TMEM63B: variants seen among roughly 807,000 people sequenced by gnomAD.
TMEM63B encodes the protein mechanosensitive cation channel TMEM63B.
TMEM63B carries 23 observed loss-of-function variants against 102.6 expected under a neutral mutation model. The ratio of observed to expected loss-of-function variants is 0.22; its 90% confidence interval spans 0.16 to 0.32. TMEM63B has a LOEUF of 0.32. Ranked by LOEUF, TMEM63B falls within the 10% of genes least tolerant of loss-of-function variation. The probability of loss-of-function intolerance (pLI) is 1.00; values close to 1 mark genes in which losing one functional copy is unlikely to be tolerated. For synonymous variants in TMEM63B, 444 were observed against 437.0 expected (o/e 1.02, Z -0.20); for missense variants, 628 against 1,095.9 (o/e 0.57, Z 6.03).
intron 5 of TMEM63B, among the ~76,000 whole-genome samples, chr6:44,136,906 G>A (rs932658033): frequency 6.6e-6 from 1 of 152,220 alleles, no homozygotes; most frequent in Admixed American, 6.5e-5. Context: ...TTAGCCAGGC[G>A]TGGTGGTGGG....
intron 15 of TMEM63B, 107 bp downstream of exon 15, chr6:44,149,052 A>G: frequency 1.3e-6 from 2 of 1,545,606 alleles, no homozygotes; most frequent in Non-Finnish European, 1.8e-6. Context: ...GCTTGTTCCA[A>G]CCCCGTGCCA....
rs1554194737 is a variant in TMEM63B at position 44,131,741 on chromosome 6, C to CA, written c.-24-2812dup. On this transcript the variant is annotated intron_variant, in intron 1 of 23. Coordinates refer to ENST00000323267, the MANE Select transcript of TMEM63B (RefSeq NM_018426.3). ...TCAAAAAAATACACAACAACCCCCC[C>CA]AAAAAAAAGCTTATAAGTTATAGCT... 2.0e-5 allele frequency among the ~76,000 whole-genome samples: 3 copies of CA among 150,680 alleles called. No individual in the cohort carries two copies. In the East Asian group the frequency reaches 5.9e-4, roughly 30 times the overall value.
rs1427242330 is a variant in TMEM63B at position 44,146,872 on chromosome 6, C to G, written c.808C>G (p.Leu270Val). The stretch of plus-strand genomic sequence containing the variant: ...GGAAGCCTACCCCAACTGCACAGTT[C>G]TCGAAGCCCGCCCGTGTTACAACGT... ...FEEAYPNCTV[L>V]EARPCYNVAR... Residue 270 changes from leucine (L) to valine (V), a missense_variant, in exon 11 of 24, where the codon CTC (leucine) becomes GTC (valine). By Grantham distance (32) the Leu-to-Val change is conservative. Around this residue, in one of 6 missense-constraint regions of TMEM63B, gnomAD observed 336 missense variants for 580.3 expected, o/e 0.58. Transcript: ENST00000323267. 6.2e-7 allele frequency: 1 copy of G among 1,614,090 alleles called. No homozygotes were observed. The highest frequency in any genetic ancestry group is 2.2e-5 in the East Asian group (1 of 44,870).
chr6:44,150,444 C>T lies in TMEM63B; in HGVS notation c.1608-120C>T. ...GGAAGCCTGGCCACCCCCAGGCCTC[C>T]TGAGCTACCCACCCCATGTCTGGGA... is the stretch of plus-strand genomic sequence containing the variant. On this transcript the variant is annotated intron_variant, in intron 17 of 23. Transcript: ENST00000323267. This position sits in a 1 kb window ranked among gnomAD's most constrained non-coding sequence, Gnocchi z 4.7. 6.8e-7 allele frequency: 1 copy of T among 1,464,680 alleles called. No homozygotes were observed. Among genetic ancestry groups the T allele is most frequent in the Non-Finnish European group, 9.5e-7 (1 of 1,049,808 alleles). 90.7% of individuals were successfully genotyped at this position (1,464,680 alleles called of 1,614,324 possible).
intron 10 of TMEM63B, among the ~76,000 whole-genome samples, chr6:44,142,557 CAGG>C (rs1432803622): frequency 6.6e-6 from 1 of 152,034 alleles, no homozygotes; most frequent in Non-Finnish European, 1.5e-5. Flanking sequence ...ATTGAGTTCT[CAGG>C]GGGTTCATAG....
At position 44,148,698 on chromosome 6, in the gene TMEM63B, T is replaced by G; in HGVS notation, c.1259+48T>G. On this transcript the variant is annotated intron_variant, in intron 14 of 23. Transcript: ENST00000323267. The surrounding 1 kb of genome is among the most constrained non-coding windows in gnomAD (Gnocchi z 5.1). ...AGGCTTTCCAGGGCCTGGGATGGGC[T>G]CAGTAGGTAGGCGGAGGAGAGGGAG... The G allele has an allele frequency of 6.2e-7, 1 of 1,611,276 alleles. No individual in the cohort carries two copies. The highest frequency in any genetic ancestry group is 8.5e-7 in the Non-Finnish European group (1 of 1,177,888).
rs1383739384 is a variant in TMEM63B at position 44,136,409 on chromosome 6, C to T, written c.339C>T (p.Ser113=). The change falls in exon 5 of 24, where the codon TCC becomes TCT. Residue 113 remains serine, a synonymous_variant. Coordinates refer to ENST00000323267, the MANE Select transcript of TMEM63B (RefSeq NM_018426.3). ...GGTATGAGCGTCTCACCTCTGTCTC[C>T]AGCTCCGTTGACTTTGACCAAAGGG... The part of the protein sequence containing the change: ...HDRYERLTSV[S]SSVDFDQRDN... The T allele has an allele frequency of 6.2e-7, 1 of 1,614,048 alleles. No homozygotes were observed. The highest frequency in any genetic ancestry group is 1.3e-5 in the African/African-American group (1 of 75,040).
At position 44,139,545 on chromosome 6, in the gene TMEM63B, G is replaced by A. The variant is rs774083434; in HGVS notation, c.486G>A (p.Leu162=). 5 of 1,614,118 alleles carry A rather than the reference G, an allele frequency of 3.1e-6. No individual in the cohort carries two copies. The highest frequency in any genetic ancestry group is 3.3e-5 in the Admixed American group (2 of 60,006). ...TTCAGCGGCACATCATCGGGCTGCT[G>A]GTGGTTGTGGGCGTCCTCTCCGTAG... is the stretch of plus-strand genomic sequence containing the variant. The part of the protein sequence containing the change: ...LSFQRHIIGL[L]VVVGVLSVGI... Residue 162 remains leucine, a synonymous_variant, in exon 7 of 24, where the codon CTG becomes CTA. Transcript: ENST00000323267.
intron 10 of TMEM63B, among the ~76,000 whole-genome samples, chr6:44,143,550 A>G (rs1310670163): frequency 6.7e-6 from 1 of 148,160 alleles, no homozygotes; most frequent in Non-Finnish European, 1.5e-5. Context: ...GTCAGCTTGT[A>G]TTGAAATCTG....
At chr6:44,128,527 A>G (rs542575987) in intron 1 of TMEM63B, among the ~76,000 whole-genome samples, 29 of 152,356 alleles carry the variant, frequency 1.9e-4, no homozygotes, top group Non-Finnish European at 3.5e-4. Context: ...ACGCTTGGGA[A>G]GTGGGGAGGA....
intron 4 of TMEM63B, 79 bp from the exon 5 acceptor site, chr6:44,136,270 A>T (rs1762926112): frequency 5.2e-6 from 6 of 1,158,952 alleles, no homozygotes; most frequent in Admixed American, 3.4e-5. Context: ...GTAGCCCTGG[A>T]GCTCTGGAGC....
rs534039668 is a variant in TMEM63B, at chr6:44,152,712, C to T, written c.1942+14C>T. 8.3e-5 allele frequency: 133 copies of T among 1,597,634 alleles called. No individual in the cohort carries two copies. Among genetic ancestry groups the T allele is most frequent in the Non-Finnish European group, 1.1e-4 (124 of 1,173,724 alleles). On this transcript the variant is annotated intron_variant, in intron 20 of 23. Coordinates refer to ENST00000323267, the MANE Select transcript of TMEM63B (RefSeq NM_018426.3). This position sits in a 1 kb window ranked among gnomAD's most constrained non-coding sequence, Gnocchi z 6.4. The stretch of plus-strand genomic sequence containing the variant: ...TCGTGCCCTTCGGTAGGCACCGCCG[C>T]GCCGGGACCTGGGCCCTGCTCGGGG...
rs569537783 is a variant in TMEM63B, at chr6:44,148,671, G to A, written c.1259+21G>A. 1.2e-6 allele frequency: 2 copies of A among 1,612,920 alleles called. No individual in the cohort carries two copies. Among genetic ancestry groups the A allele is most frequent in the Admixed American group, 1.7e-5 (1 of 59,996 alleles). On this transcript the variant is annotated intron_variant, in intron 14 of 23. Coordinates refer to ENST00000323267, the MANE Select transcript of TMEM63B (RefSeq NM_018426.3). This position sits in a 1 kb window ranked among gnomAD's most constrained non-coding sequence, Gnocchi z 5.1. The stretch of plus-strand genomic sequence containing the variant: ...TACTGGTGAGCAAACAGGTGTCAGG[G>A]CAGGCTTTCCAGGGCCTGGGATGGG...
intron 5 of TMEM63B, 128 bp from the exon 6 acceptor site, chr6:44,138,351 AT>A (rs947003880): frequency 1.2e-3 from 1,367 of 1,123,738 alleles, no homozygotes; most frequent in Non-Finnish European, 1.5e-3. Context: ...GGGTATAAGG[AT>A]TTTTTTTTAG....
At chr6:44,128,973 T>C (rs1777769638) in intron 1 of TMEM63B, among the ~76,000 whole-genome samples, 1 of 152,212 alleles carries the variant, frequency 6.6e-6, no homozygotes, top group Non-Finnish European at 1.5e-5. Flanking sequence ...TTGGACATCA[T>C]TCAAGTTCTC....
At chr6:44,145,256 CAG>C (rs1386648976) in intron 10 of TMEM63B, among the ~76,000 whole-genome samples, 1 of 134,804 alleles carries the variant, frequency 7.4e-6, no homozygotes, top group Admixed American at 8.3e-5. Flanking sequence ...GCCTGGGCGA[CAG>C]AGCAAGACTC....
At position 44,141,049 on chromosome 6, in the gene TMEM63B, A is replaced by G. The variant is rs1435170394; in HGVS notation, c.733A>G (p.Asn245Asp). The G allele has an allele frequency of 1.2e-6, 2 of 1,613,946 alleles. No individual in the cohort carries two copies. The highest frequency in any genetic ancestry group is 2.2e-5 in the South Asian group (2 of 91,064). Residue 245 changes from asparagine (N) to aspartate (D), a missense_variant, in exon 10 of 24, where the codon AAT becomes GAT. Physicochemically the swap from Asn to Asp is conservative, Grantham distance 23. Around this residue, in one of 6 missense-constraint regions of TMEM63B, gnomAD observed 336 missense variants for 580.3 expected, o/e 0.58. Transcript: ENST00000323267. The stretch of plus-strand genomic sequence containing the variant: ...CCAGGTGAAGCGGACCCTCTTCATC[A>G]ATGGAATCTCCAAATATGCAGAGTC... The part of the protein sequence containing the change: ...DDLVKRTLFI[N>D]GISKYAESEK...
At chr6:44,133,223 C>A (rs1762286184) in intron 1 of TMEM63B, among the ~76,000 whole-genome samples, 1 of 152,172 alleles carries the variant, frequency 6.6e-6, no homozygotes, top group Admixed American at 6.5e-5. Context: ...TTTGCAGAGA[C>A]TCCCTGGGAC....
chr6:44,140,539 A>G (rs1178719305), intron 9 of TMEM63B, 179 bp downstream of exon 9: 1 of 689,986 alleles, frequency 1.4e-6, no homozygotes, highest in African/African-American at 1.8e-5. Flanking sequence ...TCTCATCTGT[A>G]AAATGGAATA....
Sources: allele counts gnomAD v4.1 joint callset (sites outside exome capture counted in the v4.1 genomes callset), GRCh38; gene constraint gnomAD v4.1.1; regional missense constraint gnomAD v4.1.1; non-coding constraint Gnocchi (gnomAD v3.1); transcripts MANE v1.5; gene names NCBI Gene and HGNC (gene_info 2026-07-23, HGNC 2026-07-21).